NYAP1: variants seen among roughly 807,000 people sequenced by gnomAD.
NYAP1 encodes neuronal tyrosine phosphorylated phosphoinositide-3-kinase adaptor 1.
In NYAP1, 20 loss-of-function variants were observed where a neutral mutation model predicts 58.6. That is an observed-to-expected ratio of 0.34 (90% CI 0.24 to 0.50). The LOEUF (loss-of-function observed/expected upper bound fraction) is 0.50. Among genes scored for constraint, NYAP1 ranks in the 20% least tolerant of loss-of-function variants. The pLI is 0.98. For synonymous variants in NYAP1, 572 were observed against 523.1 expected (o/e 1.09, Z -1.27); for missense variants, 1,150 against 1,194.5 (o/e 0.96, Z 0.55).
At chr7:100,484,579 C>T (rs550242217) in intron 1 of NYAP1, among the ~76,000 whole-genome samples, 1 of 152,242 alleles carries the variant, frequency 6.6e-6, no homozygotes, top group East Asian at 1.9e-4. Context: ...AGATACCCAA[C>T]TCAGGGTGTC....
intron 4 of NYAP1, among the ~76,000 whole-genome samples, chr7:100,489,939 C>T (rs1799772278): frequency 6.6e-6 from 1 of 152,088 alleles, no homozygotes; most frequent in South Asian, 2.1e-4. Context: ...CTTCCCGGGG[C>T]TGCAGGGGTG....
chr7:100,489,434 G>A lies in NYAP1; in HGVS notation c.1713G>A (p.Gly571=). 1 of 1,612,898 alleles carries A rather than the reference G, an allele frequency of 6.2e-7. No homozygotes were observed. Among genetic ancestry groups the A allele is most frequent in the Non-Finnish European group, 8.5e-7 (1 of 1,179,840 alleles). ...PPAYESLKAG[G]VLNKGCGVGA... ...CCTATGAGAGCCTCAAGGCTGGGGGGGTGCTGAATAAGGGCTGTGGTGTGG... is the reference window on the plus strand; with the variant it reads ...CCTATGAGAGCCTCAAGGCTGGGGGAGTGCTGAATAAGGGCTGTGGTGTGG... The change falls in exon 4 of 7, where the codon GGG becomes GGA. Residue 571 remains glycine, a synonymous_variant. Coordinates refer to ENST00000300179, the MANE Select transcript of NYAP1 (RefSeq NM_173564.4).
chr7:100,493,551 G>A, intron 6 of NYAP1, 95 bp from the exon 7 acceptor site: 1 of 1,073,406 alleles, frequency 9.3e-7, no homozygotes, highest in Non-Finnish European at 1.3e-6. Flanking sequence ...TTGCTTCTGA[G>A]GGGAGACGTG....
In NYAP1 at chr7:100,488,154, T is replaced by G; in HGVS notation, c.433T>G (p.Ser145Ala). 1 of 1,585,932 alleles carries G rather than the reference T, an allele frequency of 6.3e-7. No homozygotes were observed. Among genetic ancestry groups the G allele is most frequent in the South Asian group, 1.1e-5 (1 of 87,054 alleles). The part of the protein sequence containing the change: ...AETPPSKKAG[S>A]QKPTPEGRES... ...TTTCTCTTTCTTGTCCTGTCCAGGCTCACAGAAGCCAACCCCAGAGGGCCG... is the reference window on the plus strand; with the variant it reads ...TTTCTCTTTCTTGTCCTGTCCAGGCGCACAGAAGCCAACCCCAGAGGGCCG... Residue 145 changes from serine (S) to alanine (A), a missense_variant and splice_region_variant, in exon 4 of 7, where the codon TCA becomes GCA. Transcript: ENST00000300179. The surrounding 1 kb of genome is among the most constrained non-coding windows in gnomAD (Gnocchi z 5.9).
chr7:100,489,782 T>G (rs1584360365), intron 4 of NYAP1, 116 bp downstream of exon 4: 19 of 796,880 alleles, frequency 2.4e-5, no homozygotes, highest in South Asian at 6.1e-5. Flanking sequence ...GCCTTGAGTC[T>G]GGGATGTTTT....
chr7:100,490,615 A>G lies in NYAP1; in HGVS notation c.2044A>G (p.Arg682Gly). ...RGPGTSGIPV[R>G]SQGAEGLLAR... ...CCCTGGGACATCGGGGATCCCAGTG[A>G]GAAGCCAGGGGGCAGAGGGACTGCT... is the stretch of plus-strand genomic sequence containing the variant. The change falls in exon 5 of 7, where the codon AGA (arginine) becomes GGA (glycine). Residue 682 changes from arginine to glycine, a missense_variant. Coordinates refer to ENST00000300179, the MANE Select transcript of NYAP1 (RefSeq NM_173564.4). This position sits in a 1 kb window ranked among gnomAD's most constrained non-coding sequence, Gnocchi z 4.6. 1.9e-6 allele frequency: 3 copies of G among 1,576,222 alleles called. 1 individual carries two copies. The highest frequency in any genetic ancestry group is 2.6e-6 in the Non-Finnish European group (3 of 1,161,242).
Position 100,488,582 on chromosome 7 carries a change from C to T in NYAP1, c.861C>T (p.Ser287=), listed in dbSNP as rs758533298. ...ANGPPPLTAT[S]PPQQPHALPP... The stretch of plus-strand genomic sequence containing the variant: ...GCCCTCCACCATTGACGGCAACATC[C>T]CCGCCACAACAGCCTCACGCCCTTC... The change falls in exon 4 of 7, where the codon TCC becomes TCT. Residue 287 remains serine (S), a synonymous_variant. Transcript: ENST00000300179. The surrounding 1 kb of genome is among the most constrained non-coding windows in gnomAD (Gnocchi z 5.9). 70 of 1,610,228 alleles carry T rather than the reference C, an allele frequency of 4.3e-5. No homozygotes were observed. The highest frequency in any genetic ancestry group is 5.8e-5 in the Non-Finnish European group (68 of 1,178,602).
intron 6 of NYAP1, among the ~76,000 whole-genome samples, chr7:100,491,873 C>A (rs193070105): frequency 1.4e-4 from 22 of 152,232 alleles, no homozygotes; most frequent in Non-Finnish European, 2.8e-4. Context: ...ATAGTGAAAT[C>A]CCATCTGTAC....
rs1328655169 is a variant in NYAP1 at position 100,489,028 on chromosome 7, C to T, written c.1307C>T (p.Ala436Val). 5.2e-5 allele frequency: 80 copies of T among 1,547,702 alleles called. No individual in the cohort carries two copies. Among genetic ancestry groups the T allele is most frequent in the Admixed American group, 1.2e-4 (6 of 50,768 alleles). Residue 436 changes from alanine (A) to valine (V), a missense_variant, in exon 4 of 7, where the codon GCG becomes GTG. Ala to Val is a moderately conservative substitution (Grantham distance 64). Transcript: ENST00000300179. ...CACAGCATGATCTGCCCTAAGGCGG[C>T]GGGGGCGCCGGCAGCCCCCCCTGCC... ...NSHSMICPKA[A>V]GAPAAPPAPA...
rs758735867 is a variant in NYAP1 at position 100,493,656 on chromosome 7, C to A, written c.2279C>A (p.Ala760Glu). The A allele has an allele frequency of 8.2e-6, 13 of 1,579,708 alleles. No individual in the cohort carries two copies. Among genetic ancestry groups the A allele is most frequent in the Non-Finnish European group, 1.1e-5 (13 of 1,169,010 alleles). ...CCGCCCGCGGCACAGCCCCACCCCG[C>A]GCTGCCGCTGCCTCTGCCCCTGCCG... Reference protein sequence around the residue: ...PRDALSQPHPALPLPLPLPPQ... With the variant: ...PRDALSQPHPELPLPLPLPPQ... Residue 760 changes from alanine (A) to glutamate (E), a missense_variant, in exon 7 of 7, where the codon GCG becomes GAG. By Grantham distance (107) the Ala-to-Glu change is moderately radical. Transcript: ENST00000300179.
chr7:100,489,113 C>T lies in NYAP1; in HGVS notation c.1392C>T (p.Tyr464=), dbSNP rs1457550008. The T allele has an allele frequency of 8.2e-6, 13 of 1,588,124 alleles. No homozygotes were observed. The highest frequency in any genetic ancestry group is 1.1e-5 in the Non-Finnish European group (13 of 1,167,740). The part of the protein sequence containing the change: ...KDKAVSYTMV[Y]SAVKVTTHSV... ...AGGCCGTGTCTTACACCATGGTGTA[C>T]TCGGCGGTCAAGGTGACCACGCACT... Residue 464 remains tyrosine, a synonymous_variant, in exon 4 of 7, where the codon TAC becomes TAT. Coordinates refer to ENST00000300179, the MANE Select transcript of NYAP1 (RefSeq NM_173564.4).
In NYAP1 at chr7:100,488,748, G is replaced by A; in HGVS notation, c.1027G>A (p.Ala343Thr). Residue 343 changes from alanine to threonine, a missense_variant, in exon 4 of 7, where the codon GCC (alanine) becomes ACC (threonine). Transcript: ENST00000300179. This position sits in a 1 kb window ranked among gnomAD's most constrained non-coding sequence, Gnocchi z 5.9. The stretch of plus-strand genomic sequence containing the variant: ...GCCTCCACTCCTGGCCTTCCCCCAA[G>A]CCAAGTCTGCTTCCCGAACCCCTGG... ...HRPPLLAFPQ[A>T]KSASRTPGDG... is the part of the protein sequence containing the mutation. 1 of 1,603,198 alleles carries A rather than the reference G, an allele frequency of 6.2e-7. No homozygotes were observed. Among genetic ancestry groups the A allele is most frequent in the Non-Finnish European group, 8.5e-7 (1 of 1,175,144 alleles).
rs1799689921 is a variant in NYAP1 at position 100,485,358 on chromosome 7, A to G, written c.47A>G (p.Lys16Arg). 1 of 1,603,474 alleles carries G rather than the reference A, an allele frequency of 6.2e-7. No individual in the cohort carries two copies. The highest frequency in any genetic ancestry group is 2.2e-5 in the East Asian group (1 of 44,614). ...RKTKLEWRQH[K>R]EEEAKRSSSK... The stretch of plus-strand genomic sequence containing the variant: ...ACCAAGCTGGAGTGGAGGCAGCACA[A>G]GGAAGAGGAGGCCAAGAGGAGGTAA... The change falls in exon 2 of 7, where the codon AAG (lysine) becomes AGG (arginine). Residue 16 changes from lysine to arginine, a missense_variant. Physicochemically the swap from Lys to Arg is conservative, Grantham distance 26. Transcript: ENST00000300179. The surrounding 1 kb of genome is among the most constrained non-coding windows in gnomAD (Gnocchi z 5.7).
rs1310972987 is a variant in NYAP1 at position 100,488,449 on chromosome 7, G to C, written c.728G>C (p.Gly243Ala). 1 of 1,608,546 alleles carries C rather than the reference G, an allele frequency of 6.2e-7. No individual in the cohort carries two copies. ...GCTGGGCCCCCTCTTGGGGGTGGGG[G>C]CCCGACCCCTCCAGCGGGCGCCGAC... is the stretch of plus-strand genomic sequence containing the variant. ...GLAGPPLGGG[G>A]PTPPAGADSD... Residue 243 changes from glycine (G) to alanine (A), a missense_variant, in exon 4 of 7, where the codon GGC (glycine) becomes GCC (alanine). Gly to Ala is a moderately conservative substitution (Grantham distance 60). Coordinates refer to ENST00000300179, the MANE Select transcript of NYAP1 (RefSeq NM_173564.4). This position sits in a 1 kb window ranked among gnomAD's most constrained non-coding sequence, Gnocchi z 5.9.
At position 100,488,875 on chromosome 7, in the gene NYAP1, C is replaced by G. The variant is rs750085796; in HGVS notation, c.1154C>G (p.Pro385Arg). Residue 385 changes from proline (P) to arginine (R), a missense_variant, in exon 4 of 7, where the codon CCA becomes CGA. Pro to Arg is a moderately radical substitution (Grantham distance 103). Transcript: ENST00000300179. This position sits in a 1 kb window ranked among gnomAD's most constrained non-coding sequence, Gnocchi z 5.9. ...GCACGGGAGCGGGAGACGCCTCCCCCACCGCCTCCACCTCCTGCTGCCAAC... is the reference window on the plus strand; with the variant it reads ...GCACGGGAGCGGGAGACGCCTCCCCGACCGCCTCCACCTCCTGCTGCCAAC... ...VPARERETPP[P>R]PPPPPAANLL... 6.3e-7 allele frequency: 1 copy of G among 1,599,138 alleles called. No homozygotes were observed. Among genetic ancestry groups the G allele is most frequent in the Admixed American group, 1.7e-5 (1 of 57,516 alleles).
intron 1 of NYAP1, among the ~76,000 whole-genome samples, chr7:100,484,234 A>G (rs1799675398): frequency 6.6e-6 from 1 of 151,592 alleles, no homozygotes; most frequent in Admixed American, 6.6e-5. Flanking sequence ...CTGGGAGGAG[A>G]AGTGAGGCTG....
rs1584359234 is a variant in NYAP1 at position 100,488,424 on chromosome 7, G to T, written c.703G>T (p.Ala235Ser). The change falls in exon 4 of 7, where the codon GCT becomes TCT. Residue 235 changes from alanine to serine, a missense_variant. Transcript: ENST00000300179. This position sits in a 1 kb window ranked among gnomAD's most constrained non-coding sequence, Gnocchi z 5.9. ...RGGGRSGGGL[A>S]GPPLGGGGPT... ...AGGAGGACGAAGTGGAGGAGGCCTG[G>T]CTGGGCCCCCTCTTGGGGGTGGGGG... 1 of 1,601,816 alleles carries T rather than the reference G, an allele frequency of 6.2e-7. No individual in the cohort carries two copies.
At position 100,493,904 on chromosome 7, in the gene NYAP1, G is replaced by A; in HGVS notation, c.*1G>A. The A allele has an allele frequency of 1.4e-6, 2 of 1,441,720 alleles. No individual in the cohort carries two copies. The highest frequency in any genetic ancestry group is 1.4e-5 in the South Asian group (1 of 69,306). The allele number at this position is 1,441,720 out of a possible 1,614,324, so 89.3% of individuals were successfully genotyped here. Reference sequence around the variant, plus strand: ...GGTCCTCTGGGACACCGCCATCTGAGGCGGGCGGGGGGGTACCGGGGCGCC... The same window carrying A: ...GGTCCTCTGGGACACCGCCATCTGAAGCGGGCGGGGGGGTACCGGGGCGCC... On this transcript the variant is annotated 3_prime_UTR_variant, in exon 7 of 7. Coordinates refer to ENST00000300179, the MANE Select transcript of NYAP1 (RefSeq NM_173564.4).
Position 100,489,418 on chromosome 7 carries a change from G to T in NYAP1, c.1697G>T (p.Ser566Ile), listed in dbSNP as rs1156733997. The T allele has an allele frequency of 6.2e-7, 1 of 1,613,000 alleles. No individual in the cohort carries two copies. Among genetic ancestry groups the T allele is most frequent in the Admixed American group, 1.7e-5 (1 of 60,010 alleles). ...AGLKRPPAYE[S>I]LKAGGVLNKG... Reference sequence around the variant, plus strand: ...CTCAAGAGACCCCCTGCCTATGAGAGCCTCAAGGCTGGGGGGGTGCTGAAT... The same window carrying T: ...CTCAAGAGACCCCCTGCCTATGAGATCCTCAAGGCTGGGGGGGTGCTGAAT... Residue 566 changes from serine (S) to isoleucine (I), a missense_variant, in exon 4 of 7, where the codon AGC becomes ATC. Ser to Ile is a moderately radical substitution (Grantham distance 142). Transcript: ENST00000300179.
Sources: gnomAD v4.1 joint callset for allele counts (sites outside exome capture counted in the v4.1 genomes callset) on GRCh38, gnomAD v4.1.1 for gene constraint, Gnocchi (gnomAD v3.1) non-coding constraint, MANE v1.5 for transcripts, NCBI Gene and HGNC (gene_info 2026-07-23, HGNC 2026-07-21) for gene names.